Variants in CLEC2B observed in about 807,000 individuals in gnomAD.
The protein encoded by CLEC2B is C-type (calcium dependent, carbohydrate-recognition domain) lectin, superfamily member 2 (activation-induced).
A neutral mutation model predicts 16.2 loss-of-function variants in CLEC2B; 14 were observed. The ratio of observed to expected loss-of-function variants is 0.86; its 90% confidence interval spans 0.57 to 1.35. CLEC2B has a LOEUF of 1.35. CLEC2B is among the 40% of genes most tolerant of loss of function. The probability of loss-of-function intolerance (pLI) is 0.00; values close to 1 mark genes in which losing one functional copy is unlikely to be tolerated. For missense variants in CLEC2B, 166 were observed against 182.3 expected, an observed-to-expected ratio of 0.91 and a Z score of 0.52; for synonymous variants, 42 against 55.8, an observed-to-expected ratio of 0.75 and a Z score of 1.10.
chr12:9,863,235 G>A (rs1014385884), intron 1 of CLEC2B, among the ~76,000 whole-genome samples: 14 of 152,050 alleles, frequency 9.2e-5, no homozygotes, highest in Non-Finnish European at 2.1e-4. Context: ...GGCAAACCTG[G>A]GTTAAGGCAC....
intron 3 of CLEC2B, among the ~76,000 whole-genome samples, chr12:9,855,742 A>G (rs1215884499): frequency 6.6e-6 from 1 of 152,090 alleles, no homozygotes; most frequent in Non-Finnish European, 1.5e-5. Context: ...TATTTGCTCA[A>G]TAAAAGCTTG....
rs1591767550 is a variant in CLEC2B, at chr12:9,853,108, A to AGAGAGAGAGAGAGAGAG, written c.*191_*192insCTCTCTCTCTCTCTCTC. The AGAGAGAGAGAGAGAGAG allele has an allele frequency of 1.2e-5, 6 of 491,892 alleles. No homozygotes were observed. The highest frequency in any genetic ancestry group is 9.8e-5 in the African/African-American group (5 of 51,166). 30.5% of individuals were successfully genotyped at this position (491,892 alleles called of 1,614,324 possible). A position where few individuals can be genotyped will look rare whatever the true frequency, so the allele number is the denominator to read the frequency against. ...AAGAGAGAGAGAGAAAGAAAGAAAGAAAAAAACTCAGCAGAATACCTGTAA... is the reference window on the plus strand; with the variant it reads ...AAGAGAGAGAGAGAAAGAAAGAAAGAGAGAGAGAGAGAGAGAGAAAAAACTCAGCAGAATACCTGTAA... On this transcript the variant is annotated 3_prime_UTR_variant, in exon 5 of 5. Coordinates refer to ENST00000228438, the MANE Select transcript of CLEC2B (RefSeq NM_005127.3).
At position 9,858,419 on chromosome 12, in the gene CLEC2B, C is replaced by A. The variant is rs1257262593; in HGVS notation, c.74-782G>T. 2.0e-5 allele frequency among the ~76,000 whole-genome samples: 3 copies of A among 151,996 alleles called. No homozygotes were observed. In the East Asian group the frequency reaches 5.8e-4, roughly 29 times the overall value. On this transcript the variant is annotated intron_variant, in intron 2 of 4. Transcript: ENST00000228438. ...AATTTCTACATAAAAGCCTTATTCT[C>A]ATAATATGTGTTTGTATTTTGGAAC...
chr12:9,856,750 CCAAA>C (rs752876561), intron 3 of CLEC2B, among the ~76,000 whole-genome samples: 3 of 152,016 alleles, frequency 2.0e-5, no homozygotes, highest in East Asian at 3.9e-4. Flanking sequence ...CTTAAAGAGA[CCAAA>C]CAAAGGTAAG....
In CLEC2B at chr12:9,862,573, C is replaced by T; in HGVS notation, c.-2G>A. On this transcript the variant is annotated splice_region_variant and 5_prime_UTR_variant, in exon 2 of 5. Transcript: ENST00000228438. ...ACACTTTTTATGTTTGGTCATCATA[C>T]CTGAAAAATAAAAATAAAGACATTT... 6.8e-7 allele frequency: 1 copy of T among 1,467,868 alleles called. No homozygotes were observed. The highest frequency in any genetic ancestry group is 9.1e-7 in the Non-Finnish European group (1 of 1,096,700). 90.9% of individuals were successfully genotyped at this position (1,467,868 alleles called of 1,614,324 possible).
In CLEC2B at chr12:9,853,160, C is replaced by T. The variant is rs1051467510; in HGVS notation, c.*140G>A. The stretch of plus-strand genomic sequence containing the variant: ...CATTTTTTGCCAATCTTTGAAGTGG[C>T]TTTTATGTGTAGCCTGACACGTAAG... On this transcript the variant is annotated 3_prime_UTR_variant, in exon 5 of 5. Transcript: ENST00000228438. 9.4e-6 allele frequency: 6 copies of T among 640,000 alleles called. No homozygotes were observed. Among genetic ancestry groups the T allele is most frequent in the Non-Finnish European group, 1.6e-5 (6 of 370,066 alleles). The allele number at this position is 640,000 out of a possible 1,614,324, so 39.6% of individuals were successfully genotyped here.
At chr12:9,865,350 C>T (rs533501225) in intron 1 of CLEC2B, among the ~76,000 whole-genome samples, 4 of 151,890 alleles carry the variant, frequency 2.6e-5, no homozygotes, top group South Asian at 2.1e-4. Context: ...CCAAAAAAGC[C>T]GGAGCAGCTA....
intron 3 of CLEC2B, among the ~76,000 whole-genome samples, chr12:9,856,635 A>G (rs1867895717): frequency 6.6e-6 from 1 of 152,020 alleles, no homozygotes; most frequent in Admixed American, 6.6e-5. Context: ...AACAGTGTTG[A>G]CTCTTGTGCT....
chr12:9,863,313 A>T (rs945394855), intron 1 of CLEC2B, among the ~76,000 whole-genome samples: 7 of 152,166 alleles, frequency 4.6e-5, no homozygotes, highest in African/African-American at 1.7e-4. Flanking sequence ...TCGACAGGTA[A>T]ATTACAAGGA....
chr12:9,859,006 A>T (rs551853593), intron 2 of CLEC2B, among the ~76,000 whole-genome samples: 4 of 152,118 alleles, frequency 2.6e-5, no homozygotes, highest in African/African-American at 9.6e-5. Flanking sequence ...AACCTGTTAT[A>T]TGATATACAA....
At position 9,854,464 on chromosome 12, in the gene CLEC2B, T is replaced by A. The variant is rs1414323872; in HGVS notation, c.258A>T (p.Lys86Asn). Residue 86 changes from lysine to asparagine, a missense_variant, in exon 4 of 5, where the codon AAA (lysine) becomes AAT (asparagine). Physicochemically the swap from Lys to Asn is moderately conservative, Grantham distance 94. Coordinates refer to ENST00000228438, the MANE Select transcript of CLEC2B (RefSeq NM_005127.3). ...IEEMNFLRRY[K>N]CSSDHWIGLK... is the part of the protein sequence containing the mutation. ...GTCCAATCCAGTGATCAGAACTGCA[T>A]TTATACCGCCTAAGAAAATTCTTTA... 1 of 1,612,666 alleles carries A rather than the reference T, an allele frequency of 6.2e-7. No individual in the cohort carries two copies. The highest frequency in any genetic ancestry group is 1.1e-5 in the South Asian group (1 of 91,042).
intron 2 of CLEC2B, among the ~76,000 whole-genome samples, chr12:9,858,206 C>T (rs1282034371): frequency 6.6e-6 from 1 of 151,996 alleles, no homozygotes; most frequent in Non-Finnish European, 1.5e-5. Flanking sequence ...AGGAACTTCA[C>T]AGGTCTTTCC....
At chr12:9,861,270 T>C (rs545217079) in intron 2 of CLEC2B, among the ~76,000 whole-genome samples, 117 of 152,108 alleles carry the variant, frequency 7.7e-4, no homozygotes, top group South Asian at 5.2e-3. Context: ...GGGGAAAGTA[T>C]TGAAACATTC....
intron 1 of CLEC2B, among the ~76,000 whole-genome samples, chr12:9,862,802 C>CCATATG (rs1867942450): frequency 6.6e-6 from 1 of 152,124 alleles, no homozygotes; most frequent in South Asian, 2.1e-4. Flanking sequence ...AATTAGACTT[C>CCATATG]CATATCCATG....
intron 1 of CLEC2B, among the ~76,000 whole-genome samples, chr12:9,863,594 A>G (rs1464456083): frequency 6.6e-6 from 1 of 152,200 alleles, no homozygotes; most frequent in Admixed American, 6.5e-5. Context: ...GAATTTAACA[A>G]AGGGATTGAA....
At position 9,862,576 on chromosome 12, in the gene CLEC2B, G is replaced by GAAAAAT; in HGVS notation, c.-2-9_-2-4dup. ...CTTTTTATGTTTGGTCATCATACCTGAAAAATAAAAATAAAGACATTTAGG... is the reference window on the plus strand; with the variant it reads ...CTTTTTATGTTTGGTCATCATACCTGAAAAATAAAAATAAAAATAAAGACATTTAGG... On this transcript the variant is annotated splice_region_variant and splice_polypyrimidine_tract_variant and intron_variant, in intron 1 of 4. Transcript: ENST00000228438. 6.8e-7 allele frequency: 1 copy of GAAAAAT among 1,466,526 alleles called. No homozygotes were observed. Among genetic ancestry groups the GAAAAAT allele is most frequent in the East Asian group, 2.6e-5 (1 of 37,950 alleles). 90.8% of individuals were successfully genotyped at this position (1,466,526 alleles called of 1,614,324 possible). A position where few individuals can be genotyped will look rare whatever the true frequency, so the allele number is the denominator to read the frequency against.
chr12:9,863,443 A>G (rs1867948295), intron 1 of CLEC2B, among the ~76,000 whole-genome samples: 2 of 152,206 alleles, frequency 1.3e-5, no homozygotes, highest in South Asian at 4.1e-4. Flanking sequence ...ATACCCCTAA[A>G]TGGACAAAGT....
chr12:9,857,776 A>C, intron 2 of CLEC2B, 139 bp from the exon 3 acceptor site: 1 of 673,072 alleles, frequency 1.5e-6, no homozygotes, highest in Non-Finnish European at 2.5e-6. Flanking sequence ...TGATAAGTTG[A>C]AAAAATTTTA....
chr12:9,854,145 A>G (rs897896505), intron 4 of CLEC2B, among the ~76,000 whole-genome samples: 4 of 152,162 alleles, frequency 2.6e-5, no homozygotes, highest in African/African-American at 9.7e-5. Context: ...AGTTGTGTAT[A>G]TGAATCTCAG....
Sources: allele counts gnomAD v4.1 joint callset (sites outside exome capture counted in the v4.1 genomes callset), GRCh38; gene constraint gnomAD v4.1.1; transcripts MANE v1.5; gene names NCBI Gene and HGNC (gene_info 2026-07-23, HGNC 2026-07-21).